The following FCAMR variants were observed in gnomAD, a reference collection of about 807,000 sequenced individuals.
FCAMR encodes the protein high affinity immunoglobulin alpha and immunoglobulin mu Fc receptor.
FCAMR carries 51 observed loss-of-function variants against 52.2 expected under a neutral mutation model. That is an observed-to-expected ratio of 0.98 (90% confidence interval 0.78 to 1.23). The LOEUF is 1.23. Ranked by LOEUF, FCAMR falls within the 50% of genes most tolerant of loss-of-function variation. The probability of loss-of-function intolerance (pLI) is 0.00; values close to 1 mark genes in which losing one functional copy is unlikely to be tolerated. For missense variants in FCAMR, 719 were observed against 712.6 expected, an observed-to-expected ratio of 1.01 and a Z score of -0.10; for synonymous variants, 282 against 262.0, an observed-to-expected ratio of 1.08 and a Z score of -0.74.
chr1:206,968,631 T>C (rs1680808488), intron 1 of FCAMR, among the ~76,000 whole-genome samples: 1 of 152,088 alleles, frequency 6.6e-6, no homozygotes, highest in African/African-American at 2.4e-5. Context: ...GCAAAACCAC[T>C]GGCCAGTTTG....
rs755466778 is a variant in FCAMR, at chr1:206,960,659, A to G, written c.1217T>C (p.Ile406Thr). The change falls in exon 6 of 8, where the codon ATT (isoleucine) becomes ACT (threonine). Residue 406 changes from isoleucine (I) to threonine (T), a missense_variant. By Grantham distance (89) the Ile-to-Thr change is moderately conservative. Coordinates refer to ENST00000324852, the MANE Select transcript of FCAMR (RefSeq NM_001170631.2). ...GCCTGCAGCTGGAGTTGTTTCTCCA[A>G]TGGAACCCTGAGATTGTTGCTTAGA... ...PVSKQQSQGS[I>T]GETTPAAGMW... 8 of 1,552,004 alleles carry G rather than the reference A, an allele frequency of 5.2e-6. No individual in the cohort carries two copies. The East Asian group carries it at 7.3e-5, about 14-fold the overall frequency.
chr1:206,959,007 G>A (rs759879247), intron 7 of FCAMR: 19 of 496,984 alleles, frequency 3.8e-5, no homozygotes, highest in South Asian at 1.9e-4. Context: ...GCCAAAGGGG[G>A]AAAATGCGAG....
chr1:206,969,602 C>T (rs1231799655), intron 1 of FCAMR, among the ~76,000 whole-genome samples: 3 of 152,162 alleles, frequency 2.0e-5, no homozygotes, highest in Non-Finnish European at 4.4e-5. Flanking sequence ...GCATGACTTC[C>T]CAGATGCCTA....
chr1:206,960,324 A>T, intron 6 of FCAMR, 98 bp downstream of exon 6: 1 of 1,258,288 alleles, frequency 7.9e-7, no homozygotes, highest in South Asian at 1.6e-5. Context: ...TGTGGGTACA[A>T]AGGGAGAGAA....
chr1:206,960,319 G>T, intron 6 of FCAMR, 103 bp downstream of exon 6: 2 of 1,223,882 alleles, frequency 1.6e-6, no homozygotes, highest in Non-Finnish European at 2.2e-6. Context: ...TGTCTTGTGG[G>T]TACAAAGGGA....
At chr1:206,965,967 A>G in intron 3 of FCAMR, 109 bp from the exon 4 acceptor site, 2 of 1,453,988 alleles carry the variant, frequency 1.4e-6, no homozygotes, top group Non-Finnish European at 1.9e-6. Flanking sequence ...CAGGCCAGAT[A>G]GCTCCAGGCC....
chr1:206,960,360 T>C (rs1413914575), intron 6 of FCAMR, 62 bp downstream of exon 6: 2 of 1,435,294 alleles, frequency 1.4e-6, no homozygotes, highest in Non-Finnish European at 1.8e-6. Context: ...GGGGCCTCCC[T>C]TGCATGCCAG....
chr1:206,967,209 G>C, intron 2 of FCAMR, 97 bp from the exon 3 acceptor site: 1 of 1,271,548 alleles, frequency 7.9e-7, no homozygotes, highest in South Asian at 1.3e-5. Context: ...TGGGATCTCG[G>C]TTTGCTCAGT....
At chr1:206,960,017 G>T in intron 6 of FCAMR, 1 of 550,250 alleles carries the variant, frequency 1.8e-6, no homozygotes, top group Non-Finnish European at 3.2e-6. Flanking sequence ...ACCCATCTGT[G>T]TGTGGGCCCT....
At position 206,960,459 on chromosome 1, in the gene FCAMR, G is replaced by T; in HGVS notation, c.1417C>A (p.Pro473Thr). 1 of 1,530,278 alleles carries T rather than the reference G, an allele frequency of 6.5e-7. No individual in the cohort carries two copies. Among genetic ancestry groups the T allele is most frequent in the Non-Finnish European group, 8.8e-7 (1 of 1,136,828 alleles). The allele number at this position is 1,530,278 out of a possible 1,614,324, so 94.8% of individuals were successfully genotyped here. The change falls in exon 6 of 8, where the codon CCC becomes ACC. Residue 473 changes from proline (P) to threonine (T), a missense_variant. Pro to Thr is a conservative substitution (Grantham distance 38). Coordinates refer to ENST00000324852, the MANE Select transcript of FCAMR (RefSeq NM_001170631.2). ...ATLSQTPAVGPWGPPGKESSV... is the reference protein window; with the variant it reads ...ATLSQTPAVGTWGPPGKESSV... ...GACTCCTTGCCAGGGGGTCCCCAGG[G>T]TCCTACTGCCGGGGTCTGGCTCAGT...
chr1:206,962,476 G>A lies in FCAMR; in HGVS notation c.389C>T (p.Ala130Val), dbSNP rs1162524264. ...GGAVTIQCHY[A>V]PSSVNRHQRK... ...CTGGTGCCTGTTGACAGATGAGGGG[G>A]CATAATGGCACTGGATGGTGACAGC... The change falls in exon 5 of 8, where the codon GCC becomes GTC. Residue 130 changes from alanine to valine, a missense_variant. Physicochemically the swap from Ala to Val is moderately conservative, Grantham distance 64 (BLOSUM62 0). Transcript: ENST00000324852. The A allele has an allele frequency of 3.1e-6, 5 of 1,611,966 alleles. No homozygotes were observed. Among genetic ancestry groups the A allele is most frequent in the South Asian group, 1.1e-5 (1 of 90,970 alleles).
intron 1 of FCAMR, chr1:206,969,101 A>G (rs1356943399): frequency 3.4e-6 from 1 of 292,658 alleles, no homozygotes; most frequent in Admixed American, 4.3e-5. Context: ...CTAACTCATA[A>G]TTTGATTAAT....
Position 206,962,597 on chromosome 1 carries a change from G to C in FCAMR, c.314-46C>G, listed in dbSNP as rs770234106. ...CAAAGGAGAGGAAGTGGTGAGCATAGTCACTGTTTGGGGACTCACGAACTC... is the reference window on the plus strand; with the variant it reads ...CAAAGGAGAGGAAGTGGTGAGCATACTCACTGTTTGGGGACTCACGAACTC... On this transcript the variant is annotated intron_variant, in intron 4 of 7. Coordinates refer to ENST00000324852, the MANE Select transcript of FCAMR (RefSeq NM_001170631.2). 19 of 1,450,486 alleles carry C rather than the reference G, an allele frequency of 1.3e-5. No individual in the cohort carries two copies. In the South Asian group the frequency reaches 2.0e-4, roughly 15 times the overall value. The allele number at this position is 1,450,486 out of a possible 1,614,324, so 89.9% of individuals were successfully genotyped here.
Position 206,962,206 on chromosome 1 carries a change from C to T in FCAMR, c.652+7G>A, listed in dbSNP as rs1680534730. On this transcript the variant is annotated splice_region_variant and intron_variant, in intron 5 of 7. Coordinates refer to ENST00000324852, the MANE Select transcript of FCAMR (RefSeq NM_001170631.2). ...CCAAGCTTGGCCCATCAGCCGTCAG[C>T]TCATACCTGCAGAGATGGTCAGATT... 1 of 1,612,486 alleles carries T rather than the reference C, an allele frequency of 6.2e-7. No homozygotes were observed. The highest frequency in any genetic ancestry group is 1.1e-5 in the South Asian group (1 of 91,020).
intron 5 of FCAMR, among the ~76,000 whole-genome samples, chr1:206,961,521 C>T (rs2102618886): frequency 6.6e-6 from 1 of 152,332 alleles, no homozygotes; most frequent in East Asian, 1.9e-4. Flanking sequence ...TCTCCAGAGG[C>T]CCACCGCCCA....
At position 206,962,391 on chromosome 1, in the gene FCAMR, G is replaced by A; in HGVS notation, c.474C>T (p.Thr158=). ...PRWICQTIVS[T]NQYTHHRYRD... ...GATAGCGATGGTGAGTATACTGGTT[G>A]GTGGACACAATGGTCTGGCAGATCC... Residue 158 remains threonine, a synonymous_variant, in exon 5 of 8, where the codon ACC becomes ACT. Transcript: ENST00000324852. 11 of 1,614,192 alleles carry A rather than the reference G, an allele frequency of 6.8e-6. No individual in the cohort carries two copies. Among genetic ancestry groups the A allele is most frequent in the Non-Finnish European group, 9.3e-6 (11 of 1,180,028 alleles).
intron 1 of FCAMR, among the ~76,000 whole-genome samples, chr1:206,968,547 A>G (rs1680805487): frequency 2.0e-5 from 3 of 152,204 alleles, no homozygotes; most frequent in African/African-American, 7.2e-5. Flanking sequence ...CACTACTGTT[A>G]AGGACAGGCG....
chr1:206,967,577 A>G lies in FCAMR; in HGVS notation c.108+6T>C. 6.2e-7 allele frequency: 1 copy of G among 1,614,096 alleles called. No homozygotes were observed. Among genetic ancestry groups the G allele is most frequent in the East Asian group, 2.2e-5 (1 of 44,890 alleles). ...ATCTGCAAGGGGTTGTTGTTACACA[A>G]CTTACGTGAGATTGTGGTAAAGTGC... On this transcript the variant is annotated splice_donor_region_variant and intron_variant, in intron 2 of 7. Transcript: ENST00000324852.
In FCAMR at chr1:206,970,342, G is replaced by A; in HGVS notation, c.-217C>T. 1 of 559,912 alleles carries A rather than the reference G, an allele frequency of 1.8e-6. No individual in the cohort carries two copies. The highest frequency in any genetic ancestry group is 2.2e-5 in the South Asian group (1 of 45,734). 34.7% of individuals were successfully genotyped at this position (559,912 alleles called of 1,614,324 possible). On this transcript the variant is annotated 5_prime_UTR_variant, in exon 1 of 8. Coordinates refer to ENST00000324852, the MANE Select transcript of FCAMR (RefSeq NM_001170631.2). ...TCTTTGGATTTTATTATTTATAAGA[G>A]GAAGCCAGTCCTAATCCCTTGTCAT...
Sources: gnomAD v4.1 joint callset for allele counts (sites outside exome capture counted in the v4.1 genomes callset) on GRCh38, gnomAD v4.1.1 for gene constraint, MANE v1.5 for transcripts, NCBI Gene and HGNC (gene_info 2026-07-23, HGNC 2026-07-21) for gene names.